ACBD4: variants seen among roughly 807,000 people sequenced by gnomAD.
ACBD4 encodes the protein acyl-CoA binding domain containing 4.
Under a neutral mutation model 46.0 loss-of-function variants are expected in ACBD4, and 41 were observed. The observed-to-expected ratio is 0.89, with a 90% CI of 0.69 to 1.16. The LOEUF is 1.16. ACBD4 is among the 50% of genes most tolerant of loss of function. ACBD4 has a pLI of 0.00. For missense variants in ACBD4, 393 were observed against 399.5 expected (o/e 0.98, Z 0.14); for synonymous variants, 162 against 155.9 (o/e 1.04, Z -0.29).
intron 3 of ACBD4, 24 bp from the exon 4 acceptor site, chr17:45,136,668 C>T (rs1453057138): frequency 6.2e-7 from 1 of 1,614,060 alleles, no homozygotes; most frequent in Non-Finnish European, 8.5e-7. Flanking sequence ...GTCAAGCAGC[C>T]CTCTCACAGC....
At position 45,139,106 on chromosome 17, in the gene ACBD4, G is replaced by A; in HGVS notation, c.735G>A (p.Gln245=). The change falls in exon 9 of 10, where the codon CAG becomes CAA. Residue 245 remains glutamine (Q), a synonymous_variant. Coordinates refer to ENST00000321854, the MANE Select transcript of ACBD4 (RefSeq NM_001135705.3). ...GTVRALQESM[Q]EVQARVQSLE... Reference sequence around the variant, plus strand: ...TTCGAGCACTACAGGAGAGCATGCAGGAGGTGCAGGCGAGGGTGCAGAGCC... The same window carrying A: ...TTCGAGCACTACAGGAGAGCATGCAAGAGGTGCAGGCGAGGGTGCAGAGCC... The A allele has an allele frequency of 3.7e-6, 6 of 1,613,906 alleles. No individual in the cohort carries two copies. Among genetic ancestry groups the A allele is most frequent in the Non-Finnish European group, 4.2e-6 (5 of 1,180,034 alleles).
At chr17:45,131,672 CCA>C (rs1047470350), upstream of ACBD4, among the ~76,000 whole-genome samples, 7 of 152,242 alleles carry the variant, frequency 4.6e-5, no homozygotes, top group African/African-American at 1.7e-4. Context: ...TTCCAATGAG[CCA>C]CAGTTACATT....
chr17:45,132,694 C>G (rs1004625354), upstream of ACBD4: 2 of 211,468 alleles, frequency 9.5e-6, no homozygotes, highest in African/African-American at 4.6e-5. This position sits in a 1 kb window ranked among gnomAD's most constrained non-coding sequence, Gnocchi z 4.6. Context: ...TCCGGGCGAG[C>G]CTCTGATCTT....
chr17:45,132,490 G>T, upstream of ACBD4: 1 of 938,568 alleles, frequency 1.1e-6, no homozygotes, highest in Non-Finnish European at 1.3e-6. This position sits in a 1 kb window ranked among gnomAD's most constrained non-coding sequence, Gnocchi z 4.6. Context: ...GCCCGGCCCC[G>T]GCTCTGAGCG....
chr17:45,143,784 GCTC>G lies in ACBD4; in HGVS notation c.*215_*217del. The G allele has an allele frequency of 1.3e-6, 1 of 778,490 alleles. No individual in the cohort carries two copies. Among genetic ancestry groups the G allele is most frequent in the Non-Finnish European group, 2.0e-6 (1 of 497,188 alleles). 48.2% of individuals were successfully genotyped at this position (778,490 alleles called of 1,614,324 possible). A position where few individuals can be genotyped will look rare whatever the true frequency, so the allele number is the denominator to read the frequency against. The stretch of plus-strand genomic sequence containing the variant: ...CCTTCCCTCCCCGCAACCACCCCAG[GCTC>G]CCCTGGGAGGCTGCAGTTGTGGTAC... On this transcript the variant is annotated 3_prime_UTR_variant, in exon 10 of 10. Transcript: ENST00000321854.
Position 45,140,737 on chromosome 17 carries a change from G to A in ACBD4, c.789+1577G>A, listed in dbSNP as rs145103408. On this transcript the variant is annotated intron_variant, in intron 9 of 9. Transcript: ENST00000321854. ...GGTTCATATTCTCAAAATAGGCTGGGCGTGGTGGCTCACGCCTGTAATCCT... is the reference window on the plus strand; with the variant it reads ...GGTTCATATTCTCAAAATAGGCTGGACGTGGTGGCTCACGCCTGTAATCCT... Among the ~76,000 whole-genome samples, 380 of 152,222 alleles carry A rather than the reference G, an allele frequency of 2.5e-3. 2 individuals are homozygous for A. The highest frequency in any genetic ancestry group is 8.9e-3 in the African/African-American group (369 of 41,556).
chr17:45,138,030 C>G, intron 8 of ACBD4, 42 bp downstream of exon 8: 1 of 1,574,060 alleles, frequency 6.4e-7, no homozygotes. Flanking sequence ...TGCCCTTTCC[C>G]GTGGTCCTGG....
chr17:45,136,417 C>T, intron 2 of ACBD4, 83 bp from the exon 3 acceptor site: 1 of 1,519,666 alleles, frequency 6.6e-7, no homozygotes, highest in Non-Finnish European at 9.0e-7. Context: ...CACCTCTGCC[C>T]TTTCCAAGCA....
chr17:45,133,952 G>A (rs1250076505), upstream of ACBD4, among the ~76,000 whole-genome samples: 2 of 152,156 alleles, frequency 1.3e-5, no homozygotes, highest in African/African-American at 2.4e-5. Context: ...TGTTGGATAG[G>A]CTAAGTCTAC....
Position 45,136,689 on chromosome 17 carries a change from C to A in ACBD4, c.210-3C>A. The A allele has an allele frequency of 6.2e-7, 1 of 1,614,118 alleles. No individual in the cohort carries two copies. Among genetic ancestry groups the A allele is most frequent in the Non-Finnish European group, 8.5e-7 (1 of 1,180,028 alleles). ...CAGCCCTCTCACAGCCCTCTGCCCC[C>A]AGGGACGCCTGGAACAGTCTGGGCA... On this transcript the variant is annotated splice_polypyrimidine_tract_variant and splice_region_variant and intron_variant, in intron 3 of 9. Coordinates refer to ENST00000321854, the MANE Select transcript of ACBD4 (RefSeq NM_001135705.3).
At chr17:45,143,380 G>A in intron 9 of ACBD4, 63 bp from the exon 10 acceptor site, 1 of 1,370,030 alleles carries the variant, frequency 7.3e-7, no homozygotes, top group Non-Finnish European at 9.8e-7. Context: ...ATTGGAAGCA[G>A]GTTCCTAGGG....
chr17:45,137,582 G>A, intron 6 of ACBD4, 128 bp downstream of exon 6: 2 of 1,360,456 alleles, frequency 1.5e-6, no homozygotes, highest in Non-Finnish European at 2.1e-6. Context: ...GTGGGGACCG[G>A]GGTCTAGGAT....
At chr17:45,140,658 C>CAAA (rs35492972) in intron 9 of ACBD4, among the ~76,000 whole-genome samples, 9 of 130,872 alleles carry the variant, frequency 6.9e-5, no homozygotes, top group African/African-American at 1.9e-4. Context: ...GATCCTGCCT[C>CAAA]AAAAAAAAAA....
In ACBD4 at chr17:45,138,005, C is replaced by T. The variant is rs201108469; in HGVS notation, c.649+17C>T. 7 of 1,609,006 alleles carry T rather than the reference C, an allele frequency of 4.4e-6. No individual in the cohort carries two copies. The African/African-American group carries it at 8.0e-5, about 18-fold the overall frequency. On this transcript the variant is annotated intron_variant, in intron 8 of 9. Coordinates refer to ENST00000321854, the MANE Select transcript of ACBD4 (RefSeq NM_001135705.3). ...CAAAGAAAGGTGAGCTCCTACCCAACCTCTCACCCACTTCTGCCCTTTCCC... is the reference window on the plus strand; with the variant it reads ...CAAAGAAAGGTGAGCTCCTACCCAATCTCTCACCCACTTCTGCCCTTTCCC...
At chr17:45,139,672 A>G (rs1296149755) in intron 9 of ACBD4, among the ~76,000 whole-genome samples, 1 of 152,158 alleles carries the variant, frequency 6.6e-6, no homozygotes, top group Non-Finnish European at 1.5e-5. Context: ...GCATCTTCCC[A>G]CTGAATCCAC....
chr17:45,137,777 G>A lies in ACBD4; in HGVS notation c.520G>A (p.Asp174Asn). 1 of 1,613,982 alleles carries A rather than the reference G, an allele frequency of 6.2e-7. No individual in the cohort carries two copies. The highest frequency in any genetic ancestry group is 1.1e-5 in the South Asian group (1 of 91,078). ...PPSPESHSPR[D>N]LDSEVFCDSL... ...CTCCACAGAGTCCCATTCACCCAGG[G>A]ACCTGGACTCCGAGGTTTTCTGTGA... The change falls in exon 7 of 10, where the codon GAC becomes AAC. Residue 174 changes from aspartate (D) to asparagine (N), a missense_variant. Physicochemically the swap from Asp to Asn is conservative, Grantham distance 23. This residue lies in a region of ACBD4 where 308 missense variants were observed against 301.8 expected (regional missense o/e 1.02). Transcript: ENST00000321854.
chr17:45,136,112 G>T lies in ACBD4; in HGVS notation c.-33G>T. On this transcript the variant is annotated 5_prime_UTR_variant, in exon 2 of 10. Transcript: ENST00000321854. ...CACGAAGGCTGCTTCTTGCAGAGTC[G>T]CTCAAAAGTAGGGCCCCAGGGCTCG... 6.2e-7 allele frequency: 1 copy of T among 1,608,202 alleles called. No individual in the cohort carries two copies. The highest frequency in any genetic ancestry group is 8.5e-7 in the Non-Finnish European group (1 of 1,178,172).
At chr17:45,131,775 C>T (rs1005892728), upstream of ACBD4, among the ~76,000 whole-genome samples, 1 of 152,256 alleles carries the variant, frequency 6.6e-6, no homozygotes, top group Non-Finnish European at 1.5e-5. Context: ...AGCAGTGTGG[C>T]TGTGGCCGCC....
chr17:45,142,389 C>CATAAAAAAAAAA (rs2055333718), intron 9 of ACBD4, among the ~76,000 whole-genome samples: 1 of 28,574 alleles, frequency 3.5e-5, no homozygotes, highest in Non-Finnish European at 5.8e-5. Flanking sequence ...CAAGACTCCT[C>CATAAAAAAAAAA]AAAAAAAAAA....
Sources: gnomAD v4.1 joint callset for allele counts (sites outside exome capture counted in the v4.1 genomes callset) on GRCh38, gnomAD v4.1.1 for gene constraint, gnomAD v4.1.1 regional missense constraint, Gnocchi (gnomAD v3.1) non-coding constraint, MANE v1.5 for transcripts, NCBI Gene and HGNC (gene_info 2026-07-23, HGNC 2026-07-21) for gene names.